The following SMARCC1 variants were observed in gnomAD, a reference collection of about 807,000 sequenced individuals.
The protein encoded by SMARCC1 is SWI/SNF complex subunit SMARCC1.
In SMARCC1, 43 loss-of-function variants were observed where a neutral mutation model predicts 147.4. The observed-to-expected ratio is 0.29, with a 90% CI of 0.23 to 0.38. The LOEUF is 0.38. Among genes scored for constraint, SMARCC1 ranks in the 10% least tolerant of loss-of-function variants. SMARCC1 has a pLI of 1.00. For synonymous variants in SMARCC1, 495 were observed against 484.4 expected, an observed-to-expected ratio of 1.02 and a Z score of -0.29; for missense variants, 1,119 against 1,381.1, an observed-to-expected ratio of 0.81 and a Z score of 3.01.
chr3:47,660,915 ACC>A (rs2033337574), intron 21 of SMARCC1, among the ~76,000 whole-genome samples: 2 of 152,174 alleles, frequency 1.3e-5, no homozygotes, highest in South Asian at 4.1e-4. Flanking sequence ...AGCTAAAAAA[ACC>A]CCCAAAACAA....
At chr3:47,601,127 TTTC>T (rs1295526315) in intron 26 of SMARCC1, among the ~76,000 whole-genome samples, 2 of 151,194 alleles carry the variant, frequency 1.3e-5, no homozygotes, top group Non-Finnish European at 2.9e-5. Flanking sequence ...TCTTTTCTTT[TTTC>T]TTTTTTTTTT....
chr3:47,601,698 CTTT>C (rs869165458), intron 26 of SMARCC1: 8 of 138,296 alleles, frequency 5.8e-5, no homozygotes, highest in East Asian at 2.1e-4. Context: ...CTTTTTTTTT[CTTT>C]TTTTTTTTTT....
intron 6 of SMARCC1, among the ~76,000 whole-genome samples, chr3:47,725,607 T>C (rs537181438): frequency 1.3e-5 from 2 of 152,078 alleles, no homozygotes; most frequent in Admixed American, 6.5e-5. Flanking sequence ...CCCGCCACCA[T>C]GCCCAGCTAT....
rs1012134332 is a variant in SMARCC1 at position 47,720,745 on chromosome 3, A to G, written c.647-10T>C. On this transcript the variant is annotated splice_polypyrimidine_tract_variant and intron_variant, in intron 6 of 27. Coordinates refer to ENST00000254480, the MANE Select transcript of SMARCC1 (RefSeq NM_003074.4). ...GGTCTCAACCATTCTTCTGGAAGAGAAAAAGAAACAACTTTACTCAAACTG... is the reference window on the plus strand; with the variant it reads ...GGTCTCAACCATTCTTCTGGAAGAGGAAAAGAAACAACTTTACTCAAACTG... 12 of 1,591,228 alleles carry G rather than the reference A, an allele frequency of 7.5e-6. No homozygotes were observed. The highest frequency in any genetic ancestry group is 1.0e-5 in the Non-Finnish European group (12 of 1,163,920).
intron 12 of SMARCC1, 90 bp from the exon 13 acceptor site, chr3:47,689,514 G>T: frequency 9.3e-7 from 1 of 1,079,688 alleles, no homozygotes; most frequent in Non-Finnish European, 1.4e-6. Context: ...ACTGATACTG[G>T]ACAGAGAAAA....
At chr3:47,656,206 A>C (rs2033259937) in intron 21 of SMARCC1, among the ~76,000 whole-genome samples, 6 of 152,060 alleles carry the variant, frequency 3.9e-5, no homozygotes, top group Admixed American at 3.9e-4. Flanking sequence ...GGAAGACTCC[A>C]TTTCAAAAAA....
intron 21 of SMARCC1, among the ~76,000 whole-genome samples, chr3:47,659,699 A>G (rs2033314655): frequency 7.3e-6 from 1 of 136,546 alleles, no homozygotes. Flanking sequence ...TGTAATGTCT[A>G]CTGAATTTTG....
At chr3:47,749,730 A>AAGAGAC (rs1420036438) in intron 2 of SMARCC1, among the ~76,000 whole-genome samples, 1 of 50,518 alleles carries the variant, frequency 2.0e-5, no homozygotes, top group Non-Finnish European at 5.3e-5. Flanking sequence ...CACACAGAGA[A>AAGAGAC]AGAGACAGAG....
chr3:47,769,210 CAAAAAAAAAAAA>C (rs1553692338), intron 2 of SMARCC1, among the ~76,000 whole-genome samples: 2 of 33,096 alleles, frequency 6.0e-5, no homozygotes, highest in East Asian at 1.1e-3. Flanking sequence ...GACTCCGTCT[CAAAAAAAAAAAA>C]AAAAAAAAAA....
At chr3:47,650,538 G>A (rs1383948380) in intron 21 of SMARCC1, among the ~76,000 whole-genome samples, 1 of 151,952 alleles carries the variant, frequency 6.6e-6, no homozygotes, top group Admixed American at 6.6e-5. Context: ...GCCTTGGGTT[G>A]AGTGCAGTGG....
intron 26 of SMARCC1, among the ~76,000 whole-genome samples, chr3:47,609,109 T>C (rs902005108): frequency 6.6e-5 from 10 of 152,200 alleles, no homozygotes; most frequent in African/African-American, 2.4e-4. Context: ...AACTGAATAC[T>C]GATTCAAACA....
chr3:47,670,548 C>T (rs1040846743), intron 19 of SMARCC1, 110 bp downstream of exon 19: 1 of 748,640 alleles, frequency 1.3e-6, no homozygotes, highest in East Asian at 2.5e-5. Context: ...CAGGCCACTG[C>T]ACTCCAGCCT....
At chr3:47,624,894 T>TAAAAAAAA (rs60766054) in intron 24 of SMARCC1, among the ~76,000 whole-genome samples, 3 of 111,764 alleles carry the variant, frequency 2.7e-5, no homozygotes, top group Admixed American at 9.2e-5. Flanking sequence ...TACTAAAAAT[T>TAAAAAAAA]AAAAAAAAAA....
At chr3:47,625,198 GC>G (rs1406823400) in intron 24 of SMARCC1, among the ~76,000 whole-genome samples, 1 of 149,168 alleles carries the variant, frequency 6.7e-6, no homozygotes, top group Non-Finnish European at 1.5e-5. Context: ...TGTGGCTCAT[GC>G]CTGTAATCCC....
At chr3:47,732,361 A>C (rs918557380) in intron 5 of SMARCC1, among the ~76,000 whole-genome samples, 2 of 152,198 alleles carry the variant, frequency 1.3e-5, no homozygotes, top group Non-Finnish European at 2.9e-5. Context: ...AGTATCAGCA[A>C]TAAGCATGTT....
At chr3:47,777,836 AT>A (rs2034993930) in intron 1 of SMARCC1, among the ~76,000 whole-genome samples, 1 of 151,920 alleles carries the variant, frequency 6.6e-6, no homozygotes, top group South Asian at 2.1e-4. Context: ...TCTCAGTCCA[AT>A]TTTTAATAAA....
intron 8 of SMARCC1, among the ~76,000 whole-genome samples, chr3:47,713,743 A>G (rs2034120117): frequency 6.6e-6 from 1 of 152,152 alleles, no homozygotes; most frequent in African/African-American, 2.4e-5. Flanking sequence ...ATGGACTCTT[A>G]TTACATTATG....
At chr3:47,726,919 A>C (rs1370828474) in intron 6 of SMARCC1, among the ~76,000 whole-genome samples, 5 of 151,990 alleles carry the variant, frequency 3.3e-5, no homozygotes, top group Admixed American at 6.6e-5. Context: ...ATAATATTCC[A>C]CTGTGTGGGA....
At chr3:47,723,906 T>A (rs1018381743) in intron 6 of SMARCC1, among the ~76,000 whole-genome samples, 12 of 152,118 alleles carry the variant, frequency 7.9e-5, no homozygotes, top group Non-Finnish European at 1.6e-4. Context: ...AATAAGCATA[T>A]GAAAAGATAC....
Sources: gnomAD v4.1 joint callset for allele counts (sites outside exome capture counted in the v4.1 genomes callset) on GRCh38, gnomAD v4.1.1 for gene constraint, MANE v1.5 for transcripts, NCBI Gene and HGNC (gene_info 2026-07-23, HGNC 2026-07-21) for gene names.